WDFY2: variants seen among roughly 807,000 people sequenced by gnomAD.
WDFY2 encodes the protein WD repeat and FYVE domain containing 2.
In WDFY2, 36 loss-of-function variants were observed where a neutral mutation model predicts 56.4. The observed-to-expected ratio is 0.64, with a 90% CI of 0.49 to 0.84. The LOEUF (loss-of-function observed/expected upper bound fraction) is 0.84. WDFY2 is among the 40% of genes least tolerant of loss of function. WDFY2 has a pLI of 0.00. For missense variants in WDFY2, 444 were observed against 512.2 expected (o/e 0.87, Z 1.29); for synonymous variants, 176 against 183.7 (o/e 0.96, Z 0.34).
chr13:51,671,178 G>A lies in WDFY2; in HGVS notation c.206-3992G>A, dbSNP rs374024351. On this transcript the variant is annotated intron_variant, in intron 2 of 11. Coordinates refer to ENST00000298125, the MANE Select transcript of WDFY2 (RefSeq NM_052950.4). ...GTGAGTTGTGCTGCTATAAACATGC[G>A]TGTGTGAGTATGTTTTTCGTATAAT... Among the ~76,000 whole-genome samples, 3 of 151,944 alleles carry A rather than the reference G, an allele frequency of 2.0e-5. No homozygotes were observed. In the East Asian group the frequency reaches 5.8e-4, roughly 29 times the overall value.
intron 1 of WDFY2, among the ~76,000 whole-genome samples, chr13:51,604,123 T>A (rs529105410): frequency 2.0e-5 from 3 of 152,338 alleles, no homozygotes; most frequent in East Asian, 3.8e-4. Flanking sequence ...ACATTTTTTT[T>A]AAACTCTACA....
intron 1 of WDFY2, among the ~76,000 whole-genome samples, chr13:51,656,714 C>A (rs1009716614): frequency 6.6e-6 from 1 of 151,818 alleles, no homozygotes; most frequent in African/African-American, 2.4e-5. Flanking sequence ...GATGAATTGA[C>A]CCTTTTGTCA....
chr13:51,709,819 G>C (rs1329753847), intron 4 of WDFY2, among the ~76,000 whole-genome samples: 3 of 152,144 alleles, frequency 2.0e-5, no homozygotes, highest in Non-Finnish European at 4.4e-5. Context: ...AAAAAGTCCA[G>C]GACCAGACGG....
chr13:51,614,445 T>G (rs1593880200), intron 1 of WDFY2, among the ~76,000 whole-genome samples: 2 of 152,224 alleles, frequency 1.3e-5, no homozygotes, highest in South Asian at 4.1e-4. Flanking sequence ...AGTCCAGAGG[T>G]GGGCATTCTA....
chr13:51,682,720 G>T (rs573956890), intron 3 of WDFY2, among the ~76,000 whole-genome samples: 1 of 152,240 alleles, frequency 6.6e-6, no homozygotes, highest in Non-Finnish European at 1.5e-5. Flanking sequence ...TCTTAGAACA[G>T]TCCCTGTATG....
intron 4 of WDFY2, among the ~76,000 whole-genome samples, chr13:51,707,376 C>G (rs1952106045): frequency 6.6e-6 from 1 of 152,118 alleles, no homozygotes; most frequent in Non-Finnish European, 1.5e-5. Context: ...CCAGGCTGGT[C>G]TCGAACTCCT....
intron 9 of WDFY2, among the ~76,000 whole-genome samples, chr13:51,755,725 T>A (rs1953359986): frequency 6.6e-6 from 1 of 152,222 alleles, no homozygotes; most frequent in East Asian, 1.9e-4. Context: ...ACCTTACAAT[T>A]AGAGGTGTCA....
intron 4 of WDFY2, among the ~76,000 whole-genome samples, chr13:51,712,243 A>G (rs1385693449): frequency 6.6e-6 from 1 of 152,210 alleles, no homozygotes; most frequent in African/African-American, 2.4e-5. Flanking sequence ...TGGGAATTGA[A>G]CAATGAGAAC....
rs1378366801 is a variant in WDFY2 at position 51,727,788 on chromosome 13, CAGGT to C, written c.598+2_598+5del. 2 of 1,613,862 alleles carry C rather than the reference CAGGT, an allele frequency of 1.2e-6. No individual in the cohort carries two copies. Among genetic ancestry groups the C allele is most frequent in the South Asian group, 2.2e-5 (2 of 91,044 alleles). On this transcript the variant is annotated splice_donor_variant and coding_sequence_variant, in exon 6 of 12. Transcript: ENST00000298125. LOFTEE classifies it high-confidence loss of function. ...CTGGTCACAACATTCAGAGGACACA[CAGGT>C]AGGATTAACAGTAAAATCGTCATGT...
chr13:51,719,781 G>C (rs1952447328), intron 5 of WDFY2, among the ~76,000 whole-genome samples: 1 of 152,204 alleles, frequency 6.6e-6, no homozygotes, highest in Non-Finnish European at 1.5e-5. Flanking sequence ...ATCCTGTTCA[G>C]TTTTAAATAG....
chr13:51,674,476 G>C lies in WDFY2; in HGVS notation c.206-694G>C, dbSNP rs117566356. ...GCTTAGGCTCGGGTGTACTCAGGCC[G>C]TCAGTCCTGCGGAACAGGGAGAACC... On this transcript the variant is annotated intron_variant, in intron 2 of 11. Coordinates refer to ENST00000298125, the MANE Select transcript of WDFY2 (RefSeq NM_052950.4). Among the ~76,000 whole-genome samples, 9 of 152,232 alleles carry C rather than the reference G, an allele frequency of 5.9e-5. No individual in the cohort carries two copies. The South Asian group carries it at 1.9e-3, about 32-fold the overall frequency.
At chr13:51,713,954 G>T (rs150103819) in intron 4 of WDFY2, among the ~76,000 whole-genome samples, 4 of 151,966 alleles carry the variant, frequency 2.6e-5, no homozygotes, top group African/African-American at 9.6e-5. Flanking sequence ...TGATTACCAA[G>T]GCCCAGGAGA....
intron 1 of WDFY2, among the ~76,000 whole-genome samples, chr13:51,609,175 A>T (rs1052166588): frequency 1.3e-5 from 2 of 152,244 alleles, no homozygotes; most frequent in Admixed American, 1.3e-4. Flanking sequence ...TCAATGCACT[A>T]TTGAAAAGTG....
At chr13:51,606,908 T>A (rs950297356) in intron 1 of WDFY2, among the ~76,000 whole-genome samples, 3 of 152,222 alleles carry the variant, frequency 2.0e-5, no homozygotes, top group African/African-American at 7.2e-5. Context: ...ACAAGATAAT[T>A]TATCTTGCTG....
chr13:51,652,981 A>G (rs1193098438), intron 1 of WDFY2, among the ~76,000 whole-genome samples: 1 of 152,128 alleles, frequency 6.6e-6, no homozygotes, highest in East Asian at 1.9e-4. Context: ...GTTCTCCTGG[A>G]TAATATCCTG....
intron 1 of WDFY2, among the ~76,000 whole-genome samples, chr13:51,633,558 C>A (rs959491845): frequency 6.6e-6 from 1 of 152,200 alleles, no homozygotes; most frequent in African/African-American, 2.4e-5. Flanking sequence ...TCCGCTCACT[C>A]TGCTGTTTGC....
chr13:51,616,747 A>G (rs1014823256), intron 1 of WDFY2, among the ~76,000 whole-genome samples: 14 of 152,236 alleles, frequency 9.2e-5, no homozygotes, highest in Admixed American at 9.2e-4. Context: ...GGAAAGTGCT[A>G]TCCTATCGTG....
chr13:51,619,428 A>G (rs1368927474), intron 1 of WDFY2, among the ~76,000 whole-genome samples: 4 of 132,994 alleles, frequency 3.0e-5, no homozygotes, highest in East Asian at 4.5e-4. Context: ...GCCAGACACT[A>G]TCTCCAAAAA....
intron 1 of WDFY2, among the ~76,000 whole-genome samples, chr13:51,602,094 GAAGTACTT>G (rs1954296600): frequency 6.6e-6 from 1 of 152,202 alleles, no homozygotes; most frequent in Non-Finnish European, 1.5e-5. Context: ...GGTCTTTGAG[GAAGTACTT>G]AAGAACTGGG....
Sources: gnomAD v4.1 joint callset for allele counts (sites outside exome capture counted in the v4.1 genomes callset) on GRCh38, gnomAD v4.1.1 for gene constraint, MANE v1.5 for transcripts, NCBI Gene and HGNC (gene_info 2026-07-23, HGNC 2026-07-21) for gene names.